The following ELMO1 variants were observed in gnomAD, a reference collection of about 807,000 sequenced individuals.
ELMO1 encodes engulfment and cell motility 1.
In ELMO1, 26 loss-of-function variants were observed where a neutral mutation model predicts 98.9. The ratio of observed to expected loss-of-function variants is 0.26; its 90% CI spans 0.19 to 0.36. The LOEUF (loss-of-function observed/expected upper bound fraction) is 0.36, where lower values mean the gene tolerates loss of function less well. Ranked by LOEUF, ELMO1 falls within the 10% of genes least tolerant of loss-of-function variation. The pLI, the probability that ELMO1 is intolerant of heterozygous loss-of-function variation, is 1.00. For missense variants in ELMO1, 627 were observed against 935.2 expected, an observed-to-expected ratio of 0.67 and a Z score of 4.30; for synonymous variants, 346 against 346.0, an observed-to-expected ratio of 1.00 and a Z score of 0.00.
chr7:37,347,538 CTTA>C (rs1423231935), intron 1 of ELMO1, among the ~76,000 whole-genome samples: 5 of 116,184 alleles, frequency 4.3e-5, no homozygotes, highest in Non-Finnish European at 7.6e-5. Flanking sequence ...TATTCTTATT[CTTA>C]TAATGAATAA....
chr7:36,877,505 C>T (rs1212819297), intron 19 of ELMO1, among the ~76,000 whole-genome samples: 1 of 152,144 alleles, frequency 6.6e-6, no homozygotes, highest in Admixed American at 6.6e-5. Context: ...ATTTAGCAAA[C>T]AGTAGAGGTA....
intron 15 of ELMO1, among the ~76,000 whole-genome samples, chr7:37,067,335 G>A (rs934987360): frequency 6.6e-5 from 10 of 152,170 alleles, no homozygotes; most frequent in African/African-American, 2.4e-4. Flanking sequence ...CATATGTGCT[G>A]AGCATCTCAC....
At chr7:37,163,895 T>A (rs1417731445) in intron 13 of ELMO1, among the ~76,000 whole-genome samples, 1 of 152,212 alleles carries the variant, frequency 6.6e-6, no homozygotes, top group Non-Finnish European at 1.5e-5. Flanking sequence ...TAGTTCTAGA[T>A]CCCTGAAGAA....
intron 14 of ELMO1, among the ~76,000 whole-genome samples, chr7:37,104,275 T>A (rs1176959636): frequency 1.3e-5 from 2 of 151,004 alleles, no homozygotes; most frequent in African/African-American, 4.9e-5. Context: ...GTGTTAAAAT[T>A]ATATGGTACT....
intron 1 of ELMO1, among the ~76,000 whole-genome samples, chr7:37,396,321 T>C (rs924665813): frequency 2.0e-5 from 3 of 152,018 alleles, no homozygotes; most frequent in Non-Finnish European, 4.4e-5. Flanking sequence ...GAGGCCAAGA[T>C]GGGAGGATTG....
chr7:37,078,568 T>G (rs1407137619), intron 15 of ELMO1, among the ~76,000 whole-genome samples: 1 of 152,226 alleles, frequency 6.6e-6, no homozygotes, highest in Non-Finnish European at 1.5e-5. Flanking sequence ...CTCTGTGAAG[T>G]GCAAATGCTT....
chr7:37,396,790 C>T (rs1434637710), intron 1 of ELMO1, among the ~76,000 whole-genome samples: 1 of 152,134 alleles, frequency 6.6e-6, no homozygotes, highest in Non-Finnish European at 1.5e-5. Context: ...TGCCTATTTC[C>T]AAGTGTTAGA....
intron 16 of ELMO1, among the ~76,000 whole-genome samples, chr7:36,981,552 A>C (rs180825895): frequency 1.3e-5 from 2 of 152,282 alleles, no homozygotes; most frequent in African/African-American, 4.8e-5. Context: ...TTCATGAAGA[A>C]TTATCTGCTT....
At chr7:37,250,158 A>G (rs1461788705) in intron 6 of ELMO1, among the ~76,000 whole-genome samples, 1 of 152,238 alleles carries the variant, frequency 6.6e-6, no homozygotes, top group Non-Finnish European at 1.5e-5. Context: ...ATAGGGAAAT[A>G]GTTCACTGTA....
At chr7:37,426,142 C>CTTTTTTTTTTTTTTT (rs36086006) in intron 1 of ELMO1, among the ~76,000 whole-genome samples, 12 of 84,582 alleles carry the variant, frequency 1.4e-4, no homozygotes, top group Non-Finnish European at 2.2e-4. Flanking sequence ...TTTTTTCTTT[C>CTTTTTTTTTTTTTTT]TTTTTTTTTT....
At chr7:37,272,178 C>G (rs1796597210) in intron 4 of ELMO1, among the ~76,000 whole-genome samples, 1 of 152,224 alleles carries the variant, frequency 6.6e-6, no homozygotes, top group Non-Finnish European at 1.5e-5. Context: ...CAATTCCTGA[C>G]TCCTACGATT....
intron 1 of ELMO1, among the ~76,000 whole-genome samples, chr7:37,347,468 A>G (rs1184719548): frequency 6.6e-6 from 1 of 152,176 alleles, no homozygotes; most frequent in African/African-American, 2.4e-5. Flanking sequence ...TAACTGAATT[A>G]CAGGGGAAGT....
intron 16 of ELMO1, among the ~76,000 whole-genome samples, chr7:36,983,545 T>C (rs1176287853): frequency 6.6e-6 from 1 of 152,200 alleles, no homozygotes; most frequent in Non-Finnish European, 1.5e-5. Context: ...AGTTCCTAGC[T>C]GGATAAACAC....
intron 9 of ELMO1, among the ~76,000 whole-genome samples, chr7:37,223,932 T>C (rs1036532877): frequency 1.1e-4 from 16 of 151,548 alleles, no homozygotes; most frequent in South Asian, 4.2e-4. Context: ...AATGGGCCAA[T>C]TGGGTTTCCT....
At chr7:36,934,439 C>T (rs1786331291) in intron 16 of ELMO1, among the ~76,000 whole-genome samples, 1 of 152,276 alleles carries the variant, frequency 6.6e-6, no homozygotes, top group Admixed American at 6.5e-5. Context: ...GCACATAGCT[C>T]GGAGACCAAA....
intron 14 of ELMO1, among the ~76,000 whole-genome samples, chr7:37,101,693 T>C (rs1402498311): frequency 6.6e-6 from 1 of 151,852 alleles, no homozygotes; most frequent in African/African-American, 2.4e-5. Context: ...CAGTATCTTA[T>C]CAGCAGGTGC....
At chr7:37,281,984 A>G (rs1371091062) in intron 4 of ELMO1, among the ~76,000 whole-genome samples, 1 of 152,122 alleles carries the variant, frequency 6.6e-6, no homozygotes, top group East Asian at 1.9e-4. Flanking sequence ...AGGCATCTCG[A>G]TAGGATGTCT....
chr7:36,932,583 G>A (rs1962235), intron 16 of ELMO1, among the ~76,000 whole-genome samples: 74,807 of 152,066 alleles, frequency 0.49, 19,063 homozygotes, highest in Non-Finnish European at 0.56. Context: ...CTAAGTGAAC[G>A]AAGTGAAACA....
chr7:37,298,616 C>G (rs1429883491), intron 4 of ELMO1, among the ~76,000 whole-genome samples: 1 of 143,068 alleles, frequency 7.0e-6, no homozygotes, highest in Non-Finnish European at 1.5e-5. Context: ...ATCCATGTCC[C>G]TACAAAGGAC....
Sources: gnomAD v4.1 joint callset for allele counts (sites outside exome capture counted in the v4.1 genomes callset) on GRCh38, gnomAD v4.1.1 for gene constraint, MANE v1.5 for transcripts, NCBI Gene and HGNC (gene_info 2026-07-23, HGNC 2026-07-21) for gene names.